The following PITPNA variants were observed in gnomAD, a reference collection of about 807,000 sequenced individuals.
The protein encoded by PITPNA is phosphatidylinositol transfer protein alpha.
In PITPNA, 13 loss-of-function variants were observed where a neutral mutation model predicts 50.3. That is an observed-to-expected ratio of 0.26 (90% CI 0.17 to 0.41). PITPNA has a LOEUF of 0.41. Ranked by LOEUF, PITPNA falls within the 10% of genes least tolerant of loss-of-function variation. PITPNA has a pLI of 1.00. For missense variants in PITPNA, 207 were observed against 333.4 expected (o/e 0.62, Z 2.95); for synonymous variants, 120 against 119.6 (o/e 1.00, Z -0.02).
chr17:1,537,813 G>A (rs1414617920), intron 7 of PITPNA, among the ~76,000 whole-genome samples: 1 of 152,108 alleles, frequency 6.6e-6, no homozygotes, highest in Non-Finnish European at 1.5e-5. Context: ...GTGTGTGTGT[G>A]TGTGTGAGAT....
intron 10 of PITPNA, among the ~76,000 whole-genome samples, chr17:1,522,160 T>C (rs1017122451): frequency 9.3e-5 from 14 of 150,126 alleles, no homozygotes; most frequent in South Asian, 2.1e-4. Flanking sequence ...CAAGCTCCGC[T>C]TCCCGGGTTC....
chr17:1,561,965 T>C (rs2075770717), intron 1 of PITPNA, among the ~76,000 whole-genome samples: 1 of 151,900 alleles, frequency 6.6e-6, no homozygotes, highest in South Asian at 2.1e-4. Context: ...GGTGCGCCTC[T>C]TCCTCGGCCG....
intron 10 of PITPNA, among the ~76,000 whole-genome samples, chr17:1,527,654 T>A (rs1005784326): frequency 2.0e-5 from 3 of 152,232 alleles, no homozygotes; most frequent in Non-Finnish European, 4.4e-5. Flanking sequence ...CTTCTATTTT[T>A]AAATTTTTTT....
intron 6 of PITPNA, among the ~76,000 whole-genome samples, chr17:1,540,475 A>C (rs74833002): frequency 6.6e-6 from 1 of 152,252 alleles, no homozygotes; most frequent in East Asian, 1.9e-4. Context: ...TCCATCCTTC[A>C]CTGAACAGTC....
intron 3 of PITPNA, among the ~76,000 whole-genome samples, chr17:1,551,556 G>A (rs1212622791): frequency 2.0e-5 from 3 of 152,172 alleles, no homozygotes; most frequent in Non-Finnish European, 4.4e-5. Flanking sequence ...GCCTCCCAAA[G>A]TGCTGGGATT....
In PITPNA at chr17:1,534,090, C is replaced by T; in HGVS notation, c.768+9G>A. The T allele has an allele frequency of 6.2e-7, 1 of 1,613,686 alleles. No individual in the cohort carries two copies. The highest frequency in any genetic ancestry group is 8.5e-7 in the Non-Finnish European group (1 of 1,179,726). On this transcript the variant is annotated intron_variant, in intron 10 of 11. Transcript: ENST00000313486. ...TATCTAATTGAGAGCCCCCAGAGCC[C>T]CCACTTACTTCATCCAGCTGTCTCT...
At position 1,537,727 on chromosome 17, in the gene PITPNA, G is replaced by A. The variant is rs184817122; in HGVS notation, c.456+1142C>T. Among the ~76,000 whole-genome samples, 10 of 152,250 alleles carry A rather than the reference G, an allele frequency of 6.6e-5. No individual in the cohort carries two copies. In the East Asian group the frequency reaches 1.5e-3, roughly 23 times the overall value. On this transcript the variant is annotated intron_variant, in intron 7 of 11. Transcript: ENST00000313486. ...AAAATCCACCAACGTTTTGAAGGTG[G>A]GGGTTGGGATATTGGGCAAGGAAGC...
At chr17:1,536,443 A>G (rs534682914) in intron 7 of PITPNA, among the ~76,000 whole-genome samples, 7 of 150,608 alleles carry the variant, frequency 4.6e-5, no homozygotes, top group Admixed American at 1.3e-4. Flanking sequence ...GCCCGCCACC[A>G]TGCCCGGCTA....
intron 4 of PITPNA, among the ~76,000 whole-genome samples, chr17:1,544,297 T>C (rs1380404021): frequency 6.6e-6 from 1 of 152,274 alleles, no homozygotes; most frequent in Non-Finnish European, 1.5e-5. Flanking sequence ...CGAATGGGAA[T>C]GTCCCGTTTC....
At chr17:1,554,750 A>C (rs1304830679) in intron 2 of PITPNA, among the ~76,000 whole-genome samples, 1 of 152,166 alleles carries the variant, frequency 6.6e-6, no homozygotes, top group Non-Finnish European at 1.5e-5. Context: ...AGGACAATTC[A>C]CTGCTCACCA....
intron 2 of PITPNA, among the ~76,000 whole-genome samples, chr17:1,554,757 A>G (rs1302616227): frequency 2.0e-5 from 3 of 152,164 alleles, no homozygotes; most frequent in Non-Finnish European, 2.9e-5. Context: ...TTCACTGCTC[A>G]CCACAAGGCT....
At chr17:1,548,505 G>A (rs1222278631) in intron 3 of PITPNA, 118 bp from the exon 4 acceptor site, 1 of 674,162 alleles carries the variant, frequency 1.5e-6, no homozygotes, top group South Asian at 2.0e-5. Context: ...GCAATGAGCA[G>A]GTTACTGGTG....
intron 6 of PITPNA, 91 bp downstream of exon 6, chr17:1,541,475 A>G (rs2075647530): frequency 1.1e-6 from 1 of 893,354 alleles, no homozygotes; most frequent in African/African-American, 1.7e-5. Flanking sequence ...GCAAAAGAGG[A>G]CCACAGAGAG....
chr17:1,529,811 C>T (rs6502767), intron 10 of PITPNA, among the ~76,000 whole-genome samples: 47,703 of 151,022 alleles, frequency 0.32, 7,818 homozygotes, highest in East Asian at 0.54. Flanking sequence ...GCCAAGATTG[C>T]ACCACTGTAC....
Position 1,535,205 on chromosome 17 carries a change from T to C in PITPNA, c.622A>G (p.Lys208Glu). The C allele has an allele frequency of 6.2e-7, 1 of 1,612,946 alleles. No homozygotes were observed. Among genetic ancestry groups the C allele is most frequent in the Non-Finnish European group, 8.5e-7 (1 of 1,178,898 alleles). The change falls in exon 9 of 12, where the codon AAA (lysine) becomes GAA (glutamate). Residue 208 changes from lysine to glutamate, a missense_variant. By Grantham distance (56) the Lys-to-Glu change is moderately conservative. Transcript: ENST00000313486. The part of the protein sequence containing the change: ...VKFKWWGLQN[K>E]VENFIHKQER... ...ACCTTATGGATGAAGTTCTCCACTT[T>C]GTTCTGCAGGCCCCACCACTTGAAC...
At chr17:1,524,344 T>TC (rs1491300039) in intron 10 of PITPNA, among the ~76,000 whole-genome samples, 5 of 87,108 alleles carry the variant, frequency 5.7e-5, no homozygotes, top group African/African-American at 2.5e-4. Context: ...GCACCTGGCC[T>TC]TTTTTTTTTT....
Position 1,554,038 on chromosome 17 carries a change from A to G in PITPNA, c.52-889T>C, listed in dbSNP as rs144042561. Among the ~76,000 whole-genome samples the G allele has an allele frequency of 1.1e-4, 17 of 152,302 alleles. No homozygotes were observed. In the East Asian group the frequency reaches 3.3e-3, roughly 29 times the overall value. On this transcript the variant is annotated intron_variant, in intron 2 of 11. Transcript: ENST00000313486. ...GGGTCACATGCCACCCTATCAAGTC[A>G]CCAGTCAACATGATTGGCCTCCTCT...
chr17:1,550,310 G>A (rs182482289), intron 3 of PITPNA, among the ~76,000 whole-genome samples: 1 of 152,236 alleles, frequency 6.6e-6, no homozygotes, highest in African/African-American at 2.4e-5. Context: ...GGGTGGCGGA[G>A]TGCTGTGAGA....
chr17:1,556,690 G>A (rs1441091880), intron 2 of PITPNA, among the ~76,000 whole-genome samples: 5 of 152,198 alleles, frequency 3.3e-5, no homozygotes. Flanking sequence ...GGATCATCCT[G>A]TACAGCAGAG....
Sources: allele counts gnomAD v4.1 joint callset (sites outside exome capture counted in the v4.1 genomes callset), GRCh38; gene constraint gnomAD v4.1.1; transcripts MANE v1.5; gene names NCBI Gene and HGNC (gene_info 2026-07-23, HGNC 2026-07-21).